DBNL: variants seen among roughly 807,000 people sequenced by gnomAD.
The protein encoded by DBNL is drebrin like.
DBNL carries 35 observed loss-of-function variants against 62.2 expected under a neutral mutation model. The ratio of observed to expected loss-of-function variants is 0.56; its 90% confidence interval spans 0.43 to 0.75. The LOEUF is 0.75. DBNL is among the 30% of genes least tolerant of loss of function. DBNL has a pLI of 0.00. For missense variants in DBNL, 495 were observed against 578.4 expected, an observed-to-expected ratio of 0.86 and a Z score of 1.48; for synonymous variants, 197 against 218.0, an observed-to-expected ratio of 0.90 and a Z score of 0.85.
Position 44,055,674 on chromosome 7 carries a change from A to AT in DBNL, c.328-1076dup, listed in dbSNP as rs537575388. Among the ~76,000 whole-genome samples, 34 of 152,248 alleles carry AT rather than the reference A, an allele frequency of 2.2e-4. No homozygotes were observed. The East Asian group carries it at 5.6e-3, about 25-fold the overall frequency. ...CTGATGATGGTTAGTGATGTTGAGCATTTTTTTGTATGTAGTTAGCCATGC... is the reference window on the plus strand; with the variant it reads ...CTGATGATGGTTAGTGATGTTGAGCATTTTTTTTGTATGTAGTTAGCCATGC... On this transcript the variant is annotated intron_variant, in intron 4 of 12. Transcript: ENST00000448521.
In DBNL at chr7:44,060,752, G is replaced by A; in HGVS notation, c.1154-25G>A. On this transcript the variant is annotated intron_variant, in intron 12 of 12. Transcript: ENST00000448521. This position sits in a 1 kb window ranked among gnomAD's most constrained non-coding sequence, Gnocchi z 6.3. Reference sequence around the variant, plus strand: ...GGATGTGGGAGGGAGCCCCTGATATGCATCTGGGCTCATCCTCTTTGCAGC... The same window carrying A: ...GGATGTGGGAGGGAGCCCCTGATATACATCTGGGCTCATCCTCTTTGCAGC... 1.9e-6 allele frequency: 3 copies of A among 1,607,128 alleles called. No homozygotes were observed. The highest frequency in any genetic ancestry group is 2.6e-6 in the Non-Finnish European group (3 of 1,175,062).
chr7:44,051,874 G>T lies in DBNL; in HGVS notation c.184G>T (p.Val62Leu). 6.2e-7 allele frequency: 1 copy of T among 1,614,160 alleles called. No homozygotes were observed. Among genetic ancestry groups the T allele is most frequent in the Non-Finnish European group, 8.5e-7 (1 of 1,180,030 alleles). Residue 62 changes from valine (V) to leucine (L), a missense_variant, in exon 3 of 13, where the codon GTG becomes TTG. By Grantham distance (32) the Val-to-Leu change is conservative. Coordinates refer to ENST00000448521, the MANE Select transcript of DBNL (RefSeq NM_001014436.3). ...EMVEELNSGK[V>L]MYAFCRVKDP... ...GGTGGAGGAGCTCAACAGCGGGAAGGTGATGTACGCCTTCTGCAGAGTGAA... is the reference window on the plus strand; with the variant it reads ...GGTGGAGGAGCTCAACAGCGGGAAGTTGATGTACGCCTTCTGCAGAGTGAA...
rs1289939762 is a variant in DBNL, at chr7:44,069,285, AG to A, written c.*8370del. Reference sequence around the variant, plus strand: ...TAAGAGTTATGTGATGGTTGAATTAAGTCATGATACTGTCTGATGGAGGCTT... The same window carrying A: ...TAAGAGTTATGTGATGGTTGAATTAATCATGATACTGTCTGATGGAGGCTT... On this transcript the variant is annotated 3_prime_UTR_variant, in exon 13 of 13. Transcript: ENST00000448521. 6.6e-6 allele frequency: 1 copy of A among 152,240 alleles called. No homozygotes were observed. Among genetic ancestry groups the A allele is most frequent in the African/African-American group, 2.4e-5 (1 of 41,462 alleles). 9.4% of individuals were successfully genotyped at this position (152,240 alleles called of 1,614,324 possible).
At chr7:44,053,764 C>T (rs2096130623) in intron 4 of DBNL, among the ~76,000 whole-genome samples, 1 of 151,776 alleles carries the variant, frequency 6.6e-6, no homozygotes, top group Non-Finnish European at 1.5e-5. Context: ...GCAAGCTCCG[C>T]CTCCCGGGTT....
In DBNL at chr7:44,058,954, C is replaced by T; in HGVS notation, c.806C>T (p.Ser269Phe). 1 of 1,613,960 alleles carries T rather than the reference C, an allele frequency of 6.2e-7. No individual in the cohort carries two copies. Among genetic ancestry groups the T allele is most frequent in the Non-Finnish European group, 8.5e-7 (1 of 1,179,984 alleles). ...TTCAAGCAGAAGGAGAGGGCCATGT[C>T]CACCACCTCCATCTCCAGTCCTCAG... ...EIFKQKERAM[S>F]TTSISSPQPG... The change falls in exon 9 of 13, where the codon TCC becomes TTC. Residue 269 changes from serine (S) to phenylalanine (F), a missense_variant. By Grantham distance (155) the Ser-to-Phe change is radical. Coordinates refer to ENST00000448521, the MANE Select transcript of DBNL (RefSeq NM_001014436.3).
rs1220657938 is a variant in DBNL at position 44,067,251 on chromosome 7, G to A, written c.*6335G>A. 1 of 152,352 alleles carries A rather than the reference G, an allele frequency of 6.6e-6. No homozygotes were observed. Among genetic ancestry groups the A allele is most frequent in the Admixed American group, 6.5e-5 (1 of 15,290 alleles). 9.4% of individuals were successfully genotyped at this position (152,352 alleles called of 1,614,324 possible). A position where few individuals can be genotyped will look rare whatever the true frequency, so the allele number is the denominator to read the frequency against. On this transcript the variant is annotated 3_prime_UTR_variant, in exon 13 of 13. Transcript: ENST00000448521. ...AACAAGCTGGGGCAGCGACCATCAG[G>A]GGCACATGGCAGAGAGGTGGGCTTT...
rs978013582 is a variant in DBNL, at chr7:44,064,485, C to A, written c.*3569C>A. 8 of 369,022 alleles carry A rather than the reference C, an allele frequency of 2.2e-5. No individual in the cohort carries two copies. Among genetic ancestry groups the A allele is most frequent in the Non-Finnish European group, 3.6e-5 (7 of 193,480 alleles). The allele number at this position is 369,022 out of a possible 1,614,324, so 22.9% of individuals were successfully genotyped here. On this transcript the variant is annotated 3_prime_UTR_variant, in exon 13 of 13. Transcript: ENST00000448521. ...AGGCCCAGAGATGGAGGTGGCTTGTCCAGGGCCCCACAGTAAGTTGGGATT... is the reference window on the plus strand; with the variant it reads ...AGGCCCAGAGATGGAGGTGGCTTGTACAGGGCCCCACAGTAAGTTGGGATT...
Position 44,064,793 on chromosome 7 carries a change from G to GGGCCCCCCC in DBNL, c.*3877_*3878insGGCCCCCCC. The GGGCCCCCCC allele has an allele frequency of 2.2e-5, 25 of 1,136,886 alleles. No individual in the cohort carries two copies. The highest frequency in any genetic ancestry group is 7.5e-5 in the East Asian group (3 of 40,030). 70.4% of individuals were successfully genotyped at this position (1,136,886 alleles called of 1,614,324 possible). On this transcript the variant is annotated 3_prime_UTR_variant, in exon 13 of 13. Coordinates refer to ENST00000448521, the MANE Select transcript of DBNL (RefSeq NM_001014436.3). ...AGATGAGAAGCCAGCTGGGGCTGCT[G>GGGCCCCCCC]CCCACCCACCCTGCCCAGGCTCCTG...
At position 44,059,264 on chromosome 7, in the gene DBNL, C is replaced by G; in HGVS notation, c.836-90C>G. 7.4e-7 allele frequency: 1 copy of G among 1,352,940 alleles called. No individual in the cohort carries two copies. The highest frequency in any genetic ancestry group is 1.0e-6 in the Non-Finnish European group (1 of 972,828). The allele number at this position is 1,352,940 out of a possible 1,614,324, so 83.8% of individuals were successfully genotyped here. The stretch of plus-strand genomic sequence containing the variant: ...GCAAGAGCAAGCCCCATGAGACTGC[C>G]TCGAGCACACCAGGGTGGAGGGTGC... On this transcript the variant is annotated intron_variant, in intron 9 of 12. Transcript: ENST00000448521. The surrounding 1 kb of genome is among the most constrained non-coding windows in gnomAD (Gnocchi z 4.1).
rs2096113730 is a variant in DBNL at position 44,044,790 on chromosome 7, G to A, written c.53G>A (p.Arg18Gln). 1.3e-6 allele frequency: 2 copies of A among 1,499,436 alleles called. No individual in the cohort carries two copies. Among genetic ancestry groups the A allele is most frequent in the East Asian group, 5.6e-5 (2 of 35,686 alleles). The allele number at this position is 1,499,436 out of a possible 1,614,324, so 92.9% of individuals were successfully genotyped here. A position where few individuals can be genotyped will look rare whatever the true frequency, so the allele number is the denominator to read the frequency against. Reference sequence around the variant, plus strand: ...CCAGCGCTGCAAGAGGCCTACGTGCGGGTGGTCACCGAGAAGTCCCCGACC... The same window carrying A: ...CCAGCGCTGCAAGAGGCCTACGTGCAGGTGGTCACCGAGAAGTCCCCGACC... ...NGPALQEAYV[R>Q]VVTEKSPTDW... The change falls in exon 1 of 13, where the codon CGG becomes CAG. Residue 18 changes from arginine to glutamine, a missense_variant. Arg to Gln is a conservative substitution (Grantham distance 43). Coordinates refer to ENST00000448521, the MANE Select transcript of DBNL (RefSeq NM_001014436.3).
Position 44,065,770 on chromosome 7 carries a change from T to C in DBNL, c.*4854T>C. ...CACCAGCTCCTGGCCTGGGTTCAGG[T>C]GGCATGTCTATAACCAGCTGGCACC... On this transcript the variant is annotated 3_prime_UTR_variant, in exon 13 of 13. Coordinates refer to ENST00000448521, the MANE Select transcript of DBNL (RefSeq NM_001014436.3). 1.7e-6 allele frequency: 1 copy of C among 586,624 alleles called. No individual in the cohort carries two copies. Among genetic ancestry groups the C allele is most frequent in the East Asian group, 2.9e-5 (1 of 34,384 alleles). 36.3% of individuals were successfully genotyped at this position (586,624 alleles called of 1,614,324 possible). A position where few individuals can be genotyped will look rare whatever the true frequency, so the allele number is the denominator to read the frequency against.
Position 44,062,758 on chromosome 7 carries a change from C to A in DBNL, c.*1842C>A, listed in dbSNP as rs1307368394. ...GGGAGGTGCCTTTATTGCCCAAGCC[C>A]ACCCCTCACTTGGCCTTGCCCTGGG... On this transcript the variant is annotated 3_prime_UTR_variant, in exon 13 of 13. Transcript: ENST00000448521. 1.9e-6 allele frequency: 3 copies of A among 1,614,054 alleles called. No individual in the cohort carries two copies. The East Asian group carries it at 6.7e-5, about 36-fold the overall frequency.
chr7:44,063,061 G>A lies in DBNL; in HGVS notation c.*2145G>A, dbSNP rs567570158. 16 of 979,854 alleles carry A rather than the reference G, an allele frequency of 1.6e-5. No homozygotes were observed. The East Asian group carries it at 4.0e-4, about 25-fold the overall frequency. 60.7% of individuals were successfully genotyped at this position (979,854 alleles called of 1,614,324 possible). A position where few individuals can be genotyped will look rare whatever the true frequency, so the allele number is the denominator to read the frequency against. The stretch of plus-strand genomic sequence containing the variant: ...AATTCCTTCCCAGCCCTGAGAACGA[G>A]GCCACAGAAATGTTGCCAAAGGTCA... On this transcript the variant is annotated 3_prime_UTR_variant, in exon 13 of 13. Coordinates refer to ENST00000448521, the MANE Select transcript of DBNL (RefSeq NM_001014436.3).
At position 44,063,330 on chromosome 7, in the gene DBNL, G is replaced by T; in HGVS notation, c.*2414G>T. The T allele has an allele frequency of 3.4e-6, 1 of 292,002 alleles. No individual in the cohort carries two copies. The highest frequency in any genetic ancestry group is 2.2e-5 in the African/African-American group (1 of 45,628). 18.1% of individuals were successfully genotyped at this position (292,002 alleles called of 1,614,324 possible). A position where few individuals can be genotyped will look rare whatever the true frequency, so the allele number is the denominator to read the frequency against. On this transcript the variant is annotated 3_prime_UTR_variant, in exon 13 of 13. Transcript: ENST00000448521. Reference sequence around the variant, plus strand: ...ATGGAGTTTTACTCCTCTTGCCCAGGCTGGAGTGCAGTGGCACGATCTTGG... The same window carrying T: ...ATGGAGTTTTACTCCTCTTGCCCAGTCTGGAGTGCAGTGGCACGATCTTGG...
Position 44,067,261 on chromosome 7 carries a change from C to G in DBNL, c.*6345C>G, listed in dbSNP as rs939908641. 6.6e-6 allele frequency: 1 copy of G among 152,282 alleles called. No individual in the cohort carries two copies. The highest frequency in any genetic ancestry group is 2.4e-5 in the African/African-American group (1 of 41,448). 9.4% of individuals were successfully genotyped at this position (152,282 alleles called of 1,614,324 possible). On this transcript the variant is annotated 3_prime_UTR_variant, in exon 13 of 13. Transcript: ENST00000448521. ...GGCAGCGACCATCAGGGGCACATGGCAGAGAGGTGGGCTTTGTGTCCCAAC... is the reference window on the plus strand; with the variant it reads ...GGCAGCGACCATCAGGGGCACATGGGAGAGAGGTGGGCTTTGTGTCCCAAC...
chr7:44,048,699 G>A (rs552589658), intron 1 of DBNL, among the ~76,000 whole-genome samples: 2 of 152,210 alleles, frequency 1.3e-5, no homozygotes, highest in Non-Finnish European at 2.9e-5. Context: ...TTTAGAGCCT[G>A]GGGAGATGAC....
Position 44,060,623 on chromosome 7 carries a change from G to C in DBNL, c.1154-154G>C, listed in dbSNP as rs2096146917. Among the ~76,000 whole-genome samples, 14 of 152,154 alleles carry C rather than the reference G, an allele frequency of 9.2e-5. No homozygotes were observed. Among genetic ancestry groups the C allele is most frequent in the Admixed American group, 9.2e-4 (14 of 15,274 alleles). On this transcript the variant is annotated intron_variant, in intron 12 of 12. Coordinates refer to ENST00000448521, the MANE Select transcript of DBNL (RefSeq NM_001014436.3). This position sits in a 1 kb window ranked among gnomAD's most constrained non-coding sequence, Gnocchi z 6.3. Reference sequence around the variant, plus strand: ...CGCATTGGGACAGGGTGCAGTGTTGGCCAAGGCTTAGCAGGGTGGCAGGGA... The same window carrying C: ...CGCATTGGGACAGGGTGCAGTGTTGCCCAAGGCTTAGCAGGGTGGCAGGGA...
In DBNL at chr7:44,056,820, A is replaced by G; in HGVS notation, c.391A>G (p.Lys131Glu). The G allele has an allele frequency of 6.2e-7, 1 of 1,613,866 alleles. No homozygotes were observed. The highest frequency in any genetic ancestry group is 8.5e-7 in the Non-Finnish European group (1 of 1,179,960). ...TGTGGAGCCTGAGTGCATCATGGAG[A>G]AGGTGGCCAAGGCTTCAGGTGCCAA... ...EDVEPECIMEKVAKASGANYS... is the reference protein window; with the variant it reads ...EDVEPECIMEEVAKASGANYS... Residue 131 changes from lysine (K) to glutamate (E), a missense_variant, in exon 5 of 13, where the codon AAG becomes GAG. Lys to Glu is a moderately conservative substitution (Grantham distance 56). Transcript: ENST00000448521.
In DBNL at chr7:44,069,307, G is replaced by C. The variant is rs2128797872; in HGVS notation, c.*8391G>C. The C allele has an allele frequency of 1.3e-5, 2 of 152,318 alleles. No homozygotes were observed. The highest frequency in any genetic ancestry group is 6.8e-3 in the Middle Eastern group (2 of 294). The allele number at this position is 152,318 out of a possible 1,614,324, so 9.4% of individuals were successfully genotyped here. ...TTAAGTCATGATACTGTCTGATGGAGGCTTCAGTGTATACAGATGTAAGAC... is the reference window on the plus strand; with the variant it reads ...TTAAGTCATGATACTGTCTGATGGACGCTTCAGTGTATACAGATGTAAGAC... On this transcript the variant is annotated 3_prime_UTR_variant, in exon 13 of 13. Coordinates refer to ENST00000448521, the MANE Select transcript of DBNL (RefSeq NM_001014436.3).
Sources: gnomAD v4.1 joint callset for allele counts (sites outside exome capture counted in the v4.1 genomes callset) on GRCh38, gnomAD v4.1.1 for gene constraint, Gnocchi (gnomAD v3.1) non-coding constraint, MANE v1.5 for transcripts, NCBI Gene and HGNC (gene_info 2026-07-23, HGNC 2026-07-21) for gene names.